Variants in FBXL13 observed in about 807,000 individuals in gnomAD.
FBXL13 encodes F-box and leucine rich repeat protein 13.
Under a neutral mutation model 83.6 loss-of-function variants are expected in FBXL13, and 67 were observed. The observed-to-expected ratio is 0.80, with a 90% CI of 0.66 to 0.98. The LOEUF is 0.98. FBXL13 is among the 50% of genes least tolerant of loss of function. The pLI is 0.00. For synonymous variants in FBXL13, 272 were observed against 299.5 expected (o/e 0.91, Z 0.95); for missense variants, 822 against 866.5 (o/e 0.95, Z 0.64).
intron 16 of FBXL13, among the ~76,000 whole-genome samples, chr7:102,856,371 C>T (rs1398695217): frequency 6.6e-6 from 1 of 152,190 alleles, no homozygotes; most frequent in Non-Finnish European, 1.5e-5. Flanking sequence ...AAGTTTGTCT[C>T]TTTACCCTAT....
At chr7:102,953,085 T>G (rs1414306395) in intron 8 of FBXL13, among the ~76,000 whole-genome samples, 4 of 152,056 alleles carry the variant, frequency 2.6e-5, no homozygotes, top group African/African-American at 9.7e-5. Context: ...ATCCTCAAAC[T>G]TTAAACCAAA....
chr7:103,021,516 C>CA (rs1040827850), intron 6 of FBXL13, among the ~76,000 whole-genome samples: 14 of 151,588 alleles, frequency 9.2e-5, no homozygotes, highest in Non-Finnish European at 1.2e-4. Context: ...TTCTGCACAG[C>CA]AAAAAAAACT....
chr7:103,017,090 G>C (rs1792442333), intron 6 of FBXL13, among the ~76,000 whole-genome samples: 2 of 152,198 alleles, frequency 1.3e-5, no homozygotes, highest in South Asian at 4.1e-4. Flanking sequence ...GAGGCAGACT[G>C]ACACTTCACA....
intron 10 of FBXL13, among the ~76,000 whole-genome samples, chr7:102,922,845 G>A (rs1302935580): frequency 1.3e-5 from 2 of 152,122 alleles, no homozygotes; most frequent in Non-Finnish European, 2.9e-5. Flanking sequence ...GGGTGTGGTG[G>A]TGGGTGCCTG....
intron 16 of FBXL13, among the ~76,000 whole-genome samples, chr7:102,869,020 G>A (rs1424791410): frequency 6.6e-6 from 1 of 152,212 alleles, no homozygotes; most frequent in South Asian, 2.1e-4. Flanking sequence ...CAGAACATAT[G>A]ATAGTTCTAT....
intron 6 of FBXL13, among the ~76,000 whole-genome samples, chr7:102,968,843 C>T (rs911512500): frequency 6.6e-6 from 1 of 152,116 alleles, no homozygotes; most frequent in Non-Finnish European, 1.5e-5. Flanking sequence ...ACTGGCCATG[C>T]AGAGACATAA....
intron 17 of FBXL13, among the ~76,000 whole-genome samples, chr7:102,851,437 T>TTCCCTCCTTCCCTTCCTCTCCC (rs6150259): frequency 6.9e-6 from 1 of 143,984 alleles, no homozygotes; most frequent in African/African-American, 2.7e-5. Flanking sequence ...TCTCTCTTTC[T>TTCCCTCCTTCCCTTCCTCTCCC]TCCCTCCTTC....
intron 11 of FBXL13, among the ~76,000 whole-genome samples, chr7:102,894,665 G>T (rs947269483): frequency 2.0e-5 from 3 of 151,244 alleles, no homozygotes; most frequent in Non-Finnish European, 4.4e-5. Flanking sequence ...GGAGTTTGAG[G>T]CTACAGTGAG....
intron 6 of FBXL13, among the ~76,000 whole-genome samples, chr7:103,012,002 G>A (rs1228566473): frequency 6.6e-6 from 1 of 152,114 alleles, no homozygotes; most frequent in Non-Finnish European, 1.5e-5. Flanking sequence ...GAAATGCAGA[G>A]AACTCCTGAA....
At chr7:102,890,497 G>C (rs1811401791) in intron 11 of FBXL13, among the ~76,000 whole-genome samples, 1 of 152,230 alleles carries the variant, frequency 6.6e-6, no homozygotes, top group African/African-American at 2.4e-5. Flanking sequence ...GATGGGGGCA[G>C]AAAAGCTTTG....
intron 17 of FBXL13, among the ~76,000 whole-genome samples, 163 bp from the exon 19 acceptor site, chr7:102,833,137 TG>T (rs1170930325): frequency 6.6e-6 from 1 of 152,240 alleles, no homozygotes; most frequent in Non-Finnish European, 1.5e-5. Context: ...ATCCAACATC[TG>T]TTTATAGCAA....
intron 8 of FBXL13, chr7:102,934,388 C>T (rs759928556): frequency 4.4e-5 from 71 of 1,614,158 alleles, no homozygotes; most frequent in Admixed American, 2.3e-4. Context: ...GAGCTACCTG[C>T]GTCTTTATGA....
intron 8 of FBXL13, among the ~76,000 whole-genome samples, chr7:102,951,132 C>A (rs560206877): frequency 6.6e-6 from 1 of 152,106 alleles, no homozygotes; most frequent in South Asian, 2.1e-4. Context: ...AATCTCTATA[C>A]CTTCTGCTCA....
chr7:102,825,839 T>A (rs1319076154), intron 18 of FBXL13, among the ~76,000 whole-genome samples: 1 of 152,220 alleles, frequency 6.6e-6, no homozygotes, highest in Non-Finnish European at 1.5e-5. Context: ...TGATTTGAAT[T>A]CCCCAGCTCT....
chr7:102,816,255 G>A (rs1404686655), intron 19 of FBXL13: 1 of 152,190 alleles, frequency 6.6e-6, no homozygotes, highest in Non-Finnish European at 1.5e-5. Context: ...GTTCTGGGAG[G>A]TTAAGGCTTC....
chr7:103,036,628 T>C (rs1332477592), intron 2 of FBXL13, among the ~76,000 whole-genome samples: 1 of 152,168 alleles, frequency 6.6e-6, no homozygotes, highest in Non-Finnish European at 1.5e-5. Flanking sequence ...TCTTGTGCCT[T>C]AGTCTCCTCA....
intron 8 of FBXL13, among the ~76,000 whole-genome samples, chr7:102,955,850 G>C (rs1159928286): frequency 6.6e-6 from 1 of 152,018 alleles, no homozygotes; most frequent in East Asian, 1.9e-4. Context: ...TTGAATCTCT[G>C]AATAGACCAA....
intron 11 of FBXL13, among the ~76,000 whole-genome samples, chr7:102,892,376 A>G (rs1811641781): frequency 6.6e-6 from 1 of 152,234 alleles, no homozygotes; most frequent in Non-Finnish European, 1.5e-5. Context: ...CACTATGAAC[A>G]TAACTGTTAT....
chr7:102,934,606 A>G (rs148357310), intron 8 of FBXL13: 39 of 1,614,014 alleles, frequency 2.4e-5, no homozygotes, highest in Middle Eastern at 3.3e-4. Context: ...GGAGACCCCC[A>G]GTCATCAAGC....
Sources: gnomAD v4.1 joint callset for allele counts (sites outside exome capture counted in the v4.1 genomes callset) on GRCh38, gnomAD v4.1.1 for gene constraint, MANE v1.5 for transcripts, NCBI Gene and HGNC (gene_info 2026-07-23, HGNC 2026-07-21) for gene names.